Variants in ACSL6 observed in about 807,000 individuals in gnomAD.
ACSL6 encodes long-chain-fatty-acid--CoA ligase 6.
A neutral mutation model predicts 98.2 loss-of-function variants in ACSL6; 47 were observed. That is an observed-to-expected ratio of 0.48 (90% CI 0.38 to 0.61). ACSL6 has a LOEUF of 0.61. ACSL6 is among the 20% of genes least tolerant of loss of function. The pLI, the probability that ACSL6 is intolerant of heterozygous loss-of-function variation, is 0.00. For synonymous variants in ACSL6, 362 were observed against 336.9 expected (o/e 1.07, Z -0.82); for missense variants, 761 against 913.4 (o/e 0.83, Z 2.15).
chr5:132,008,961 G>A (rs1755565875), intron 1 of ACSL6, among the ~76,000 whole-genome samples: 1 of 152,198 alleles, frequency 6.6e-6, no homozygotes, highest in Admixed American at 6.5e-5. Context: ...TGCTCCCATT[G>A]TCCTCTAGGT....
chr5:131,970,151 G>A lies in ACSL6; in HGVS notation c.1484C>T (p.Thr495Ile). The change falls in exon 15 of 21, where the codon ACC becomes ATC. Residue 495 changes from threonine to isoleucine, a missense_variant. Physicochemically the swap from Thr to Ile is moderately conservative, Grantham distance 89. Coordinates refer to ENST00000651883, the MANE Select transcript of ACSL6 (RefSeq NM_001009185.3). ...QTECTAGCTF[T>I]TPGDWTSGHV... is the part of the protein sequence containing the mutation. ...ACCTGAGGTCCAGTCGCCAGGAGTG[G>A]TGAAGGTACATCCAGCTGTGCACTC... 1 of 1,614,128 alleles carries A rather than the reference G, an allele frequency of 6.2e-7. No homozygotes were observed. The highest frequency in any genetic ancestry group is 8.5e-7 in the Non-Finnish European group (1 of 1,180,026).
chr5:131,988,746 T>G, intron 6 of ACSL6, 59 bp downstream of exon 6: 1 of 1,576,890 alleles, frequency 6.3e-7, no homozygotes, highest in South Asian at 1.1e-5. Flanking sequence ...CCTGAGAAGC[T>G]GGAGGCTGGA....
intron 4 of ACSL6, 53 bp downstream of exon 4, chr5:131,990,047 G>A (rs1038822839): frequency 6.3e-7 from 1 of 1,591,008 alleles, no homozygotes; most frequent in Non-Finnish European, 8.6e-7. Flanking sequence ...TACCTGCCCT[G>A]AGTGCCAGAT....
intron 17 of ACSL6, among the ~76,000 whole-genome samples, chr5:131,964,705 C>A: frequency 6.6e-6 from 1 of 152,206 alleles, no homozygotes; most frequent in East Asian, 1.9e-4. Context: ...CCTAAGCTCC[C>A]TGAGCCAACA....
intron 11 of ACSL6, 26 bp from the exon 12 acceptor site, chr5:131,973,426 G>A: frequency 6.2e-7 from 1 of 1,611,834 alleles, no homozygotes; most frequent in Non-Finnish European, 8.5e-7. Context: ...AGGAAGGGAG[G>A]AGTCCCTTAG....
chr5:131,954,530 T>G (rs1752298832), intron 20 of ACSL6, among the ~76,000 whole-genome samples, 159 bp from the exon 21 acceptor site: 1 of 152,234 alleles, frequency 6.6e-6, no homozygotes. Flanking sequence ...CTATTTTACG[T>G]ATCTAAAAGC....
At chr5:131,998,426 C>T (rs1754900305) in intron 1 of ACSL6, among the ~76,000 whole-genome samples, 1 of 152,222 alleles carries the variant, frequency 6.6e-6, no homozygotes, top group African/African-American at 2.4e-5. Context: ...AACTTCCTCC[C>T]ACCTCAGCAT....
At chr5:131,959,726 C>G (rs1752598436) in intron 19 of ACSL6, 119 bp from the exon 20 acceptor site, 2 of 878,358 alleles carry the variant, frequency 2.3e-6, no homozygotes, top group Non-Finnish European at 1.8e-6. Context: ...TGCTAACCCA[C>G]AGCCCGCAAC....
chr5:132,004,904 G>GC (rs1379885501), intron 1 of ACSL6, among the ~76,000 whole-genome samples: 1 of 152,154 alleles, frequency 6.6e-6, no homozygotes, highest in Non-Finnish European at 1.5e-5. Context: ...ACTTTGGGAG[G>GC]CTGAGATGGG....
At chr5:132,010,472 G>A (rs773322164) in intron 1 of ACSL6, among the ~76,000 whole-genome samples, 67 of 152,194 alleles carry the variant, frequency 4.4e-4, no homozygotes, top group Non-Finnish European at 1.6e-4. Flanking sequence ...TAAATAACAC[G>A]TACAAAGCCT....
At chr5:131,986,728 C>A (rs1754208910) in intron 8 of ACSL6, 94 bp downstream of exon 8, 2 of 1,485,796 alleles carry the variant, frequency 1.3e-6, no homozygotes, top group Non-Finnish European at 1.9e-6. Context: ...CTTATTAACA[C>A]AGAGGTGCTG....
intron 9 of ACSL6, chr5:131,984,147 G>A (rs540602289): frequency 1.3e-5 from 2 of 152,368 alleles, no homozygotes; most frequent in Middle Eastern, 3.4e-3. Context: ...TGGAGAGGAA[G>A]GGCTGTGTTG....
chr5:131,965,546 C>T (rs983317920), intron 17 of ACSL6, among the ~76,000 whole-genome samples: 3 of 152,012 alleles, frequency 2.0e-5, no homozygotes, highest in Non-Finnish European at 4.4e-5. Flanking sequence ...GTGTTGAAAC[C>T]CTGTTTCTAT....
At chr5:132,012,083 G>A, upstream of ACSL6, 2 of 989,136 alleles carry the variant, frequency 2.0e-6, no homozygotes, top group South Asian at 3.6e-5. Flanking sequence ...GCCGGGTCGC[G>A]GTTACCTGTC....
chr5:131,981,333 A>AC (rs1368897946), intron 9 of ACSL6, among the ~76,000 whole-genome samples: 10 of 76,476 alleles, frequency 1.3e-4, no homozygotes, highest in African/African-American at 2.7e-4. Context: ...AAAAAAAAAA[A>AC]AAAAAAAAAA....
chr5:132,011,678 C>T (rs1274270055), upstream of ACSL6: 1 of 1,267,928 alleles, frequency 7.9e-7, no homozygotes, highest in Non-Finnish European at 9.9e-7. This position sits in a 1 kb window ranked among gnomAD's most constrained non-coding sequence, Gnocchi z 5.4. Flanking sequence ...TTTTAGCCCC[C>T]GCCCTCCGGC....
chr5:131,990,237 A>G, intron 3 of ACSL6, 73 bp from the exon 4 acceptor site: 1 of 1,462,218 alleles, frequency 6.8e-7, no homozygotes, highest in East Asian at 2.3e-5. Flanking sequence ...CGCCCATCAG[A>G]AACCTGGATG....
In ACSL6 at chr5:131,954,756, G is replaced by C. The variant is rs528853422; in HGVS notation, c.2032-385C>G. Among the ~76,000 whole-genome samples, 157 of 152,272 alleles carry C rather than the reference G, an allele frequency of 1.0e-3. 1 individual carries two copies. The highest frequency in any genetic ancestry group is 3.6e-3 in the African/African-American group (150 of 41,546). ...GGGCACCCATCTCAGGCATAGGAGGGGAGAGGGAGAGACAGTCAGGGAAGA... is the reference window on the plus strand; with the variant it reads ...GGGCACCCATCTCAGGCATAGGAGGCGAGAGGGAGAGACAGTCAGGGAAGA... On this transcript the variant is annotated intron_variant, in intron 20 of 20. Transcript: ENST00000651883.
At chr5:131,973,423 G>T in intron 11 of ACSL6, 23 bp from the exon 12 acceptor site, 3 of 1,612,772 alleles carry the variant, frequency 1.9e-6, no homozygotes, top group Non-Finnish European at 2.5e-6. Flanking sequence ...GACAGGAAGG[G>T]AGGAGTCCCT....
Sources: gnomAD v4.1 joint callset for allele counts (sites outside exome capture counted in the v4.1 genomes callset) on GRCh38, gnomAD v4.1.1 for gene constraint, Gnocchi (gnomAD v3.1) non-coding constraint, MANE v1.5 for transcripts, NCBI Gene and HGNC (gene_info 2026-07-23, HGNC 2026-07-21) for gene names.